SEC31A: variants seen among roughly 807,000 people sequenced by gnomAD.
SEC31A encodes SEC31 homolog A, COPII component, also known as protein transport protein Sec31A.
Under a neutral mutation model 151.0 loss-of-function variants are expected in SEC31A, and 70 were observed. The observed-to-expected ratio is 0.46, with a 90% CI of 0.38 to 0.57. SEC31A has a LOEUF of 0.57. Among genes scored for constraint, SEC31A ranks in the 20% least tolerant of loss-of-function variants. The pLI is 0.00. For synonymous variants in SEC31A, 475 were observed against 505.9 expected (o/e 0.94, Z 0.82); for missense variants, 1,330 against 1,471.2 (o/e 0.90, Z 1.57).
rs1729077221 is a variant in SEC31A at position 82,842,192 on chromosome 4, T to C, written c.2916A>G (p.Gly972=). 6.3e-7 allele frequency: 1 copy of C among 1,599,178 alleles called. No individual in the cohort carries two copies. ...TGGCAGCAGGCAGTGTACCTGTTGTTCCAGGAGGCAGTGCATAAGCTGAAG... is the reference window on the plus strand; with the variant it reads ...TGGCAGCAGGCAGTGTACCTGTTGTCCCAGGAGGCAGTGCATAAGCTGAAG... The part of the protein sequence containing the change: ...PSSSAYALPP[G]TTGTLPAASE... The change falls in exon 22 of 27, where the codon GGA becomes GGG. Residue 972 remains glycine, a synonymous_variant. Transcript: ENST00000395310.
At chr4:82,866,402 C>T (rs1032190860) in intron 10 of SEC31A, among the ~76,000 whole-genome samples, 5 of 151,894 alleles carry the variant, frequency 3.3e-5, no homozygotes, top group African/African-American at 1.2e-4. Context: ...ACCAAGGAGG[C>T]GGAGGTTGCA....
chr4:82,900,069 AACCTT>A (rs982209319), intron 2 of SEC31A: 1 of 152,264 alleles, frequency 6.6e-6, no homozygotes, highest in Non-Finnish European at 1.5e-5. Flanking sequence ...GAGCCCCAAG[AACCTT>A]ACCTTATTTC....
At chr4:82,840,453 G>A (rs898041679) in intron 22 of SEC31A, among the ~76,000 whole-genome samples, 1 of 152,132 alleles carries the variant, frequency 6.6e-6, no homozygotes, top group African/African-American at 2.4e-5. Flanking sequence ...AACTATTGAT[G>A]TATCTGTAGT....
chr4:82,854,914 G>A lies in SEC31A; in HGVS notation c.1997C>T (p.Ser666Leu). 2 of 1,612,564 alleles carry A rather than the reference G, an allele frequency of 1.2e-6. No individual in the cohort carries two copies. Among genetic ancestry groups the A allele is most frequent in the Non-Finnish European group, 1.7e-6 (2 of 1,179,516 alleles). Reference protein sequence around the residue: ...VLTYAKPDEFSALCDLLGTRL... With the variant: ...VLTYAKPDEFLALCDLLGTRL... ...AGCACATCTCTTACCACAAAGGGCT[G>A]AAAATTCATCCGGCTTTGCATAAGT... The change falls in exon 17 of 27, where the codon TCA (serine) becomes TTA (leucine). Residue 666 changes from serine to leucine, a missense_variant. Physicochemically the swap from Ser to Leu is moderately radical, Grantham distance 145. Transcript: ENST00000395310.
chr4:82,874,359 G>A (rs903804401), intron 6 of SEC31A, among the ~76,000 whole-genome samples: 1 of 151,560 alleles, frequency 6.6e-6, no homozygotes, highest in African/African-American at 2.4e-5. Flanking sequence ...AAAACCACCA[G>A]TATATCATGG....
chr4:82,858,077 G>T, intron 14 of SEC31A: 1 of 215,894 alleles, frequency 4.6e-6, no homozygotes, highest in South Asian at 6.5e-5. Flanking sequence ...CAGAAGCTCG[G>T]GACCAGCCAT....
intron 18 of SEC31A, among the ~76,000 whole-genome samples, chr4:82,852,393 A>C (rs922934636): frequency 6.6e-6 from 1 of 152,154 alleles, no homozygotes; most frequent in Admixed American, 6.5e-5. Context: ...TTTCCAAAGG[A>C]GTTTACTATT....
intron 24 of SEC31A, among the ~76,000 whole-genome samples, chr4:82,826,365 T>G (rs1724559303): frequency 6.6e-6 from 1 of 152,202 alleles, no homozygotes; most frequent in Non-Finnish European, 1.5e-5. Flanking sequence ...TTTTTGTTGT[T>G]GTTGTTGAGA....
chr4:82,827,387 AGG>A lies in SEC31A; in HGVS notation c.3271_3272del (p.Pro1091TyrfsTer24). The A allele has an allele frequency of 6.2e-7, 1 of 1,614,106 alleles. No individual in the cohort carries two copies. Among genetic ancestry groups the A allele is most frequent in the Non-Finnish European group, 8.5e-7 (1 of 1,179,920 alleles). On this transcript the variant is annotated frameshift_variant, in exon 24 of 27. Transcript: ENST00000395310. LOFTEE classifies it high-confidence loss of function. ...CTGTTACCTGGAAGGTATTTCCAAT[AGG>A]AGCCCCTGGGGCACCTTCAATATTG... ...KPNIEGAPGA[P>X]IGNTFQHVQS...
chr4:82,884,938 A>G (rs1021584546), intron 1 of SEC31A, among the ~76,000 whole-genome samples: 8 of 152,148 alleles, frequency 5.3e-5, no homozygotes, highest in African/African-American at 1.9e-4. Flanking sequence ...ATTTATGTCA[A>G]TTTCTCATGG....
chr4:82,866,965 A>G lies in SEC31A; in HGVS notation c.1045-5T>C. The stretch of plus-strand genomic sequence containing the variant: ...ATTCCCAAAAGATGATGAAAGCTAA[A>G]AAAGATAATAATAACATAAGCATCC... On this transcript the variant is annotated splice_region_variant and splice_polypyrimidine_tract_variant and intron_variant, in intron 9 of 26. Coordinates refer to ENST00000395310, the MANE Select transcript of SEC31A (RefSeq NM_001077207.4). 6.2e-7 allele frequency: 1 copy of G among 1,605,460 alleles called. No individual in the cohort carries two copies. The highest frequency in any genetic ancestry group is 2.2e-5 in the East Asian group (1 of 44,866).
chr4:82,889,882 G>A (rs915076798), intron 1 of SEC31A, among the ~76,000 whole-genome samples: 4 of 152,072 alleles, frequency 2.6e-5, no homozygotes, highest in African/African-American at 9.7e-5. Context: ...ACCTCTCCCT[G>A]AGCTGTTAAT....
intron 22 of SEC31A, among the ~76,000 whole-genome samples, chr4:82,837,329 T>G (rs1416940480): frequency 6.6e-6 from 1 of 151,358 alleles, no homozygotes; most frequent in African/African-American, 2.4e-5. Context: ...TATAGGTAAT[T>G]TTTATTTTAT....
intron 18 of SEC31A, 122 bp from the exon 19 acceptor site, chr4:82,851,726 C>G (rs1017457099): frequency 1.3e-6 from 1 of 796,596 alleles, no homozygotes; most frequent in Non-Finnish European, 1.9e-6. Context: ...TGTTATCATC[C>G]CTCCTAGAAA....
rs1419207238 is a variant in SEC31A, at chr4:82,891,083, C to A, written c.-5+5G>T. ...AAGAGGACAAAAAGCAACGGGCGGA[C>A]GCACCTGGCGAGGACCTTCGGCAGC... On this transcript the variant is annotated splice_donor_5th_base_variant and intron_variant, in intron 1 of 26. Coordinates refer to ENST00000395310, the MANE Select transcript of SEC31A (RefSeq NM_001077207.4). 4 of 1,535,906 alleles carry A rather than the reference C, an allele frequency of 2.6e-6. No homozygotes were observed. The highest frequency in any genetic ancestry group is 2.7e-5 in the African/African-American group (2 of 73,146).
At chr4:82,883,754 G>C (rs965248193) in intron 1 of SEC31A, among the ~76,000 whole-genome samples, 2 of 151,684 alleles carry the variant, frequency 1.3e-5, no homozygotes, top group Non-Finnish European at 2.9e-5. Context: ...GTTTGAGCCC[G>C]GGAAGTTGAG....
At chr4:82,839,186 T>C (rs1728169356) in intron 22 of SEC31A, among the ~76,000 whole-genome samples, 1 of 152,002 alleles carries the variant, frequency 6.6e-6, no homozygotes, top group Non-Finnish European at 1.5e-5. Context: ...GTTACGCTCT[T>C]GTTGCCCAGG....
Position 82,867,145 on chromosome 4 carries a change from T to C in SEC31A, c.1044+10A>G. The C allele has an allele frequency of 6.2e-7, 1 of 1,608,416 alleles. No homozygotes were observed. Among genetic ancestry groups the C allele is most frequent in the Non-Finnish European group, 8.5e-7 (1 of 1,176,196 alleles). Reference sequence around the variant, plus strand: ...GCATTATAATAGAAAACTTTAACACTTCCTATTACCTTGTCAACTTGTTTC... The same window carrying C: ...GCATTATAATAGAAAACTTTAACACCTCCTATTACCTTGTCAACTTGTTTC... On this transcript the variant is annotated intron_variant, in intron 9 of 26. Coordinates refer to ENST00000395310, the MANE Select transcript of SEC31A (RefSeq NM_001077207.4).
intron 22 of SEC31A, among the ~76,000 whole-genome samples, chr4:82,839,969 G>T (rs541740466): frequency 1.3e-5 from 2 of 150,286 alleles, no homozygotes; most frequent in African/African-American, 4.9e-5. Context: ...AGTGTTGCTG[G>T]ATGATTTTTG....
Sources: allele counts gnomAD v4.1 joint callset (sites outside exome capture counted in the v4.1 genomes callset), GRCh38; gene constraint gnomAD v4.1.1; transcripts MANE v1.5; gene names NCBI Gene and HGNC (gene_info 2026-07-23, HGNC 2026-07-21).